GRM1: variants seen among roughly 807,000 people sequenced by gnomAD.
GRM1 encodes metabotropic glutamate receptor 1.
A neutral mutation model predicts 90.9 loss-of-function variants in GRM1; 33 were observed. The ratio of observed to expected loss-of-function variants is 0.36; its 90% CI spans 0.28 to 0.49. GRM1 has a LOEUF of 0.49. Among genes scored for constraint, GRM1 ranks in the 20% least tolerant of loss-of-function variants. The probability of loss-of-function intolerance (pLI) is 0.99; values close to 1 mark genes in which losing one functional copy is unlikely to be tolerated. For synonymous variants in GRM1, 700 were observed against 613.2 expected (o/e 1.14, Z -2.09); for missense variants, 1,190 against 1,534.3 (o/e 0.78, Z 3.75).
rs542547271 is a variant in GRM1, at chr6:146,078,059, C to T, written c.700+47842C>T. 5.9e-5 allele frequency among the ~76,000 whole-genome samples: 9 copies of T among 152,268 alleles called. No homozygotes were observed. In the South Asian group the frequency reaches 1.9e-3, roughly 32 times the overall value. On this transcript the variant is annotated intron_variant, in intron 1 of 7. Transcript: ENST00000282753. ...ACAAAGCAGATGTTAGCTTAGTTGA[C>T]ACATTCAACAAAATATAAGCAAAAG...
chr6:146,118,586 C>T (rs1286020688), intron 1 of GRM1, among the ~76,000 whole-genome samples: 1 of 152,204 alleles, frequency 6.6e-6, no homozygotes, highest in African/African-American at 2.4e-5. Flanking sequence ...TGCTATCCCT[C>T]CCCACTACTC....
In GRM1 at chr6:146,146,103, C is replaced by CTTTTTTTTTTT; in HGVS notation, c.701-13219_701-13209dup. Among the ~76,000 whole-genome samples the CTTTTTTTTTTT allele has an allele frequency of 3.5e-3, 69 of 19,988 alleles. 31 individuals are homozygous for CTTTTTTTTTTT. The highest frequency in any genetic ancestry group is 0.02 in the East Asian group (10 of 492). The allele number at this position is 19,988 out of a possible 152,430, so 13.1% of individuals were successfully genotyped here. On this transcript the variant is annotated intron_variant, in intron 1 of 7. Coordinates refer to ENST00000282753, the MANE Select transcript of GRM1 (RefSeq NM_001278064.2). The stretch of plus-strand genomic sequence containing the variant: ...CTGTGCCTATGTACTACCATTGTAT[C>CTTTTTTTTTTT]TTTTTTTTTTTTTTTTTTTTTTTTT...
chr6:146,240,267 C>G (rs1376146694), intron 2 of GRM1, among the ~76,000 whole-genome samples: 1 of 151,988 alleles, frequency 6.6e-6, no homozygotes, highest in Non-Finnish European at 1.5e-5. Flanking sequence ...TTAATCATAT[C>G]TGTCAGGATC....
At chr6:146,337,669 A>G (rs1784821613) in intron 3 of GRM1, among the ~76,000 whole-genome samples, 1 of 152,206 alleles carries the variant, frequency 6.6e-6, no homozygotes, top group African/African-American at 2.4e-5. Flanking sequence ...CTAAAGATAC[A>G]GCACAATGAT....
At chr6:146,259,678 C>G (rs1781610765) in intron 2 of GRM1, among the ~76,000 whole-genome samples, 1 of 151,898 alleles carries the variant, frequency 6.6e-6, no homozygotes, top group African/African-American at 2.4e-5. Context: ...TGTATATATC[C>G]CATTTTCTTT....
At chr6:146,398,732 C>A (rs1777055991) in intron 6 of GRM1, 37 bp from the exon 7 acceptor site, 1 of 1,388,686 alleles carries the variant, frequency 7.2e-7, no homozygotes, top group Non-Finnish European at 1.0e-6. Context: ...CTAGCAGAAA[C>A]CTTGGATTCA....
chr6:146,134,703 G>A (rs980206452), intron 1 of GRM1, among the ~76,000 whole-genome samples: 3 of 152,130 alleles, frequency 2.0e-5, no homozygotes, highest in African/African-American at 7.2e-5. Context: ...GGCCATGGCG[G>A]GTGGATCATG....
chr6:146,108,997 G>C (rs1775436968), intron 1 of GRM1, among the ~76,000 whole-genome samples: 1 of 152,078 alleles, frequency 6.6e-6, no homozygotes, highest in Non-Finnish European at 1.5e-5. Context: ...GAGGTGACTT[G>C]GGTGCTGTTA....
intron 2 of GRM1, among the ~76,000 whole-genome samples, chr6:146,276,812 C>T (rs1782385524): frequency 6.6e-6 from 1 of 152,060 alleles, no homozygotes; most frequent in Admixed American, 6.6e-5. Flanking sequence ...GTGTAAAGTT[C>T]TCCAGAGGCA....
rs139479807 is a variant in GRM1 at position 146,328,103 on chromosome 6, G to A, written c.1186+23257G>A. Among the ~76,000 whole-genome samples the A allele has an allele frequency of 2.6e-3, 393 of 152,296 alleles. 4 individuals carry two copies. Among genetic ancestry groups the A allele is most frequent in the African/African-American group, 8.8e-3 (364 of 41,548 alleles). On this transcript the variant is annotated intron_variant, in intron 3 of 7. Transcript: ENST00000282753. ...TTTTCTTTAGCCACATCTGTCTATA[G>A]TGCACGGTTGCCAAAAGTTTGAAGC...
intron 6 of GRM1, among the ~76,000 whole-genome samples, chr6:146,397,256 G>A (rs574414727): frequency 6.6e-6 from 1 of 152,028 alleles, no homozygotes; most frequent in African/African-American, 2.4e-5. Context: ...GCCGAGGCAG[G>A]CTGATCAGGA....
intron 3 of GRM1, among the ~76,000 whole-genome samples, chr6:146,316,712 G>A (rs1299136259): frequency 4.6e-5 from 7 of 152,100 alleles, no homozygotes; most frequent in African/African-American, 9.7e-5. Context: ...CCTCCTTGGC[G>A]TCCTCTGACG....
intron 1 of GRM1, among the ~76,000 whole-genome samples, chr6:146,094,201 C>T (rs973121794): frequency 2.0e-5 from 3 of 152,086 alleles, no homozygotes; most frequent in African/African-American, 7.2e-5. Flanking sequence ...CAGGTCTCTA[C>T]AAGCTAGAGA....
At chr6:146,213,729 T>TAGATAGATAGAG (rs1554281931) in intron 2 of GRM1, among the ~76,000 whole-genome samples, 1 of 151,916 alleles carries the variant, frequency 6.6e-6, no homozygotes, top group African/African-American at 2.4e-5. Flanking sequence ...GATAGATAGA[T>TAGATAGATAGAG]AGATAGATGG....
chr6:146,165,330 C>A (rs1184759481), intron 2 of GRM1, among the ~76,000 whole-genome samples: 3 of 151,984 alleles, frequency 2.0e-5, no homozygotes, highest in African/African-American at 7.3e-5. Flanking sequence ...AGATTATATA[C>A]CACGGTGTTA....
chr6:146,353,187 G>T (rs1057466643), intron 4 of GRM1, among the ~76,000 whole-genome samples: 2 of 152,172 alleles, frequency 1.3e-5, no homozygotes, highest in Non-Finnish European at 2.9e-5. Context: ...AGCATAATTG[G>T]TACATAGGAA....
intron 2 of GRM1, among the ~76,000 whole-genome samples, chr6:146,189,102 G>C (rs1241169947): frequency 6.6e-6 from 1 of 152,166 alleles, no homozygotes; most frequent in Non-Finnish European, 1.5e-5. Context: ...AGTATAATGG[G>C]AAACATTTGA....
intron 2 of GRM1, among the ~76,000 whole-genome samples, chr6:146,270,908 TCTTTCTTCCTTCCTTC>T (rs1185965954): frequency 5.8e-4 from 61 of 104,436 alleles, no homozygotes; most frequent in African/African-American, 2.2e-3. Flanking sequence ...TTTCTTTCTT[TCTTTCTTCCTTCCTTC>T]CTTCCTTCCT....
chr6:146,397,693 G>C (rs949465205), intron 6 of GRM1, among the ~76,000 whole-genome samples: 6 of 152,034 alleles, frequency 3.9e-5, no homozygotes, highest in African/African-American at 1.5e-4. Flanking sequence ...ACTCACATGA[G>C]ACTGTTGATT....
Sources: allele counts gnomAD v4.1 joint callset (sites outside exome capture counted in the v4.1 genomes callset), GRCh38; gene constraint gnomAD v4.1.1; transcripts MANE v1.5; gene names NCBI Gene and HGNC (gene_info 2026-07-23, HGNC 2026-07-21).